The following RNF144A variants were observed in gnomAD, a reference collection of about 807,000 sequenced individuals.
RNF144A encodes the protein E3 ubiquitin-protein ligase RNF144A.
Under a neutral mutation model 38.7 loss-of-function variants are expected in RNF144A, and 11 were observed. That is an observed-to-expected ratio of 0.28 (90% confidence interval 0.18 to 0.47). RNF144A has a LOEUF of 0.47. Among genes scored for constraint, RNF144A ranks in the 20% least tolerant of loss-of-function variants. The pLI, the probability that RNF144A is intolerant of heterozygous loss-of-function variation, is 0.99. For missense variants in RNF144A, 316 were observed against 377.2 expected (o/e 0.84, Z 1.34); for synonymous variants, 149 against 143.9 (o/e 1.04, Z -0.25).
chr2:7,033,744 G>C (rs16865857), intron 8 of RNF144A, among the ~76,000 whole-genome samples: 2,242 of 152,284 alleles, frequency 0.015, 54 homozygotes, highest in African/African-American at 0.051. Flanking sequence ...TGCTCATCTG[G>C]GTCTTATCTC....
At chr2:7,015,472 G>A (rs1390162856) in intron 5 of RNF144A, among the ~76,000 whole-genome samples, 2 of 152,182 alleles carry the variant, frequency 1.3e-5, no homozygotes, top group African/African-American at 4.8e-5. Context: ...GCTGGAGCAG[G>A]CCTGATGCAG....
Position 7,042,174 on chromosome 2 carries a change from G to A in RNF144A, c.*2414G>A, listed in dbSNP as rs186605936. ...AGATCACTCTGAGATACATAAACTC[G>A]CATTTCCTTCTGTTTTAGTAAGGAG... On this transcript the variant is annotated 3_prime_UTR_variant, in exon 9 of 9. Transcript: ENST00000320892. 5.8e-5 allele frequency: 57 copies of A among 984,996 alleles called. No individual in the cohort carries two copies. Among genetic ancestry groups the A allele is most frequent in the East Asian group, 1.1e-4 (1 of 8,828 alleles). 61.0% of individuals were successfully genotyped at this position (984,996 alleles called of 1,614,324 possible). A position where few individuals can be genotyped will look rare whatever the true frequency, so the allele number is the denominator to read the frequency against.
chr2:6,962,517 T>C lies in RNF144A; in HGVS notation c.-12+21370T>C, dbSNP rs1412258032. ...AGGGAAGCTCTGCCGAGGACTCTTT[T>C]TGATCTCATAATTTCTTTCTACCTC... is the stretch of plus-strand genomic sequence containing the variant. On this transcript the variant is annotated intron_variant, in intron 2 of 8. Coordinates refer to ENST00000320892, the MANE Select transcript of RNF144A (RefSeq NM_014746.6). The surrounding 1 kb of genome is among the most constrained non-coding windows in gnomAD (Gnocchi z 4.1). Among the ~76,000 whole-genome samples, 1 of 152,224 alleles carries C rather than the reference T, an allele frequency of 6.6e-6. No individual in the cohort carries two copies. The highest frequency in any genetic ancestry group is 2.4e-5 in the African/African-American group (1 of 41,454).
intron 2 of RNF144A, among the ~76,000 whole-genome samples, chr2:6,951,038 C>A (rs991185997): frequency 6.6e-6 from 1 of 152,140 alleles, no homozygotes; most frequent in Non-Finnish European, 1.5e-5. Context: ...CAGCCTTGCC[C>A]ATTTATAATT....
chr2:7,027,995 G>A (rs1389512091), intron 7 of RNF144A, among the ~76,000 whole-genome samples: 3 of 147,700 alleles, frequency 2.0e-5, no homozygotes, highest in East Asian at 2.1e-4. Context: ...GGCGGGGTGG[G>A]AGGGTGAAGT....
intron 6 of RNF144A, 89 bp downstream of exon 6, chr2:7,020,769 G>C (rs1264182284): frequency 8.3e-7 from 1 of 1,207,192 alleles, no homozygotes; most frequent in African/African-American, 1.5e-5. Flanking sequence ...CTGTTACAGT[G>C]TAAGTGGCTG....
chr2:6,991,366 T>C (rs1015695996), intron 2 of RNF144A, among the ~76,000 whole-genome samples: 7 of 152,240 alleles, frequency 4.6e-5, no homozygotes, highest in African/African-American at 1.7e-4. Flanking sequence ...TCTCTGCTGC[T>C]GCTGACAGCT....
chr2:7,061,460 T>C (rs183538273), intron 6 of RNF144A, among the ~76,000 whole-genome samples: 1 of 152,334 alleles, frequency 6.6e-6, no homozygotes, highest in Non-Finnish European at 1.5e-5. Flanking sequence ...AGGAGCCAAG[T>C]CACATGGCAA....
At chr2:7,028,663 A>G (rs1672081540) in intron 7 of RNF144A, among the ~76,000 whole-genome samples, 3 of 152,234 alleles carry the variant, frequency 2.0e-5, no homozygotes, top group Admixed American at 1.3e-4. Flanking sequence ...AGCTCTTCTC[A>G]GTGGTGTGTA....
Position 7,066,312 on chromosome 2 carries a change from C to T in RNF144A, c.735-1904C>T, listed in dbSNP as rs569134701. On this transcript the variant is annotated intron_variant, in intron 6 of 6. Coordinates refer to the RNF144A transcript ENST00000432850. ...CCGTGTTAGCCAGGATGGTCTTGATCTCCTGACCTCGTGATCTGCCCACCT... is the reference window on the plus strand; with the variant it reads ...CCGTGTTAGCCAGGATGGTCTTGATTTCCTGACCTCGTGATCTGCCCACCT... Among the ~76,000 whole-genome samples the T allele has an allele frequency of 9.9e-4, 151 of 152,266 alleles. 1 individual carries two copies. In the South Asian group the frequency reaches 0.019, roughly 20 times the overall value.
At chr2:6,935,008 T>C (rs764613369) in intron 1 of RNF144A, among the ~76,000 whole-genome samples, 1 of 152,220 alleles carries the variant, frequency 6.6e-6, no homozygotes, top group Non-Finnish European at 1.5e-5. Context: ...TGTCTGTGCT[T>C]CTCATTGCCA....
chr2:7,022,225 T>G (rs1671582079), intron 6 of RNF144A, among the ~76,000 whole-genome samples: 1 of 152,224 alleles, frequency 6.6e-6, no homozygotes, highest in African/African-American at 2.4e-5. Flanking sequence ...TTTTTTGTAT[T>G]GGAGGGTTTG....
At chr2:6,967,324 G>A (rs13392406) in intron 2 of RNF144A, among the ~76,000 whole-genome samples, 62,064 of 152,182 alleles carry the variant, frequency 0.41, 13,092 homozygotes, top group African/African-American at 0.44. Flanking sequence ...TACAGAAGAC[G>A]TAGTTCGTTT....
intron 2 of RNF144A, among the ~76,000 whole-genome samples, chr2:6,981,533 T>C (rs1364849375): frequency 6.6e-6 from 1 of 152,186 alleles, no homozygotes; most frequent in African/African-American, 2.4e-5. Context: ...ACCAGTCTCT[T>C]TACTAAAGCA....
rs1665983411 is a variant in RNF144A, at chr2:6,941,595, C to A, written c.-12+448C>A. ...GGGGGTAGGGACAGTCAGGAAGAGA[C>A]AGACAATTCTCATTTGACAGTAGCC... On this transcript the variant is annotated intron_variant, in intron 2 of 8. Coordinates refer to ENST00000320892, the MANE Select transcript of RNF144A (RefSeq NM_014746.6). The surrounding 1 kb of genome is among the most constrained non-coding windows in gnomAD (Gnocchi z 6.5). Among the ~76,000 whole-genome samples, 1 of 152,206 alleles carries A rather than the reference C, an allele frequency of 6.6e-6. No homozygotes were observed. The highest frequency in any genetic ancestry group is 6.5e-5 in the Admixed American group (1 of 15,284).
rs1672937676 is a variant in RNF144A, at chr2:7,039,817, C to G, written c.*57C>G. On this transcript the variant is annotated 3_prime_UTR_variant, in exon 9 of 9. Coordinates refer to ENST00000320892, the MANE Select transcript of RNF144A (RefSeq NM_014746.6). ...TCCGGGAAGTGTGGCTCTCCCCCAA[C>G]CCTCCCCACCGTCCCCCCTTCACTA... is the stretch of plus-strand genomic sequence containing the variant. 1.1e-5 allele frequency: 18 copies of G among 1,593,498 alleles called. No homozygotes were observed. The South Asian group carries it at 1.8e-4, about 16-fold the overall frequency.
intron 6 of RNF144A, among the ~76,000 whole-genome samples, chr2:7,054,250 C>T (rs530496075): frequency 2.0e-5 from 3 of 152,350 alleles, no homozygotes; most frequent in Admixed American, 6.5e-5. Context: ...AACAACATTT[C>T]GCCTGCCTAC....
At chr2:7,045,416 T>C (rs564931266), downstream of RNF144A, among the ~76,000 whole-genome samples, 91 of 152,258 alleles carry the variant, frequency 6.0e-4, no homozygotes, top group African/African-American at 2.2e-3. Flanking sequence ...CTGAGAGCGG[T>C]AAGGAGGATG....
intron 2 of RNF144A, among the ~76,000 whole-genome samples, chr2:6,946,638 C>G (rs899791915): frequency 1.4e-4 from 22 of 152,128 alleles, no homozygotes; most frequent in African/African-American, 4.8e-4. Context: ...GTGAGAACCT[C>G]CTTTGTCTCT....
Sources: allele counts gnomAD v4.1 joint callset (sites outside exome capture counted in the v4.1 genomes callset), GRCh38; gene constraint gnomAD v4.1.1; non-coding constraint Gnocchi (gnomAD v3.1); transcripts MANE v1.5; gene names NCBI Gene and HGNC (gene_info 2026-07-23, HGNC 2026-07-21).